Variants in PHACTR4 observed in about 807,000 individuals in gnomAD.
PHACTR4 encodes the protein phosphatase and actin regulator 4, also known as protein phosphatase 1, regulatory subunit 124.
A neutral mutation model predicts 72.7 loss-of-function variants in PHACTR4; 51 were observed. The observed-to-expected ratio is 0.70, with a 90% CI of 0.56 to 0.89. The LOEUF is 0.89. PHACTR4 is among the 40% of genes least tolerant of loss of function. The probability of loss-of-function intolerance (pLI) is 0.00; values close to 1 mark genes in which losing one functional copy is unlikely to be tolerated. For missense variants in PHACTR4, 731 were observed against 861.8 expected, an observed-to-expected ratio of 0.85 and a Z score of 1.90; for synonymous variants, 255 against 302.5, an observed-to-expected ratio of 0.84 and a Z score of 1.63.
chr1:28,433,029 C>T (rs545592948), intron 2 of PHACTR4: 43 of 983,062 alleles, frequency 4.4e-5, no homozygotes, highest in Non-Finnish European at 5.0e-5. Context: ...AGGCGTGAGC[C>T]ACTGCACCTG....
intron 2 of PHACTR4, among the ~76,000 whole-genome samples, chr1:28,458,108 T>TGTGTG (rs1658534886): frequency 2.5e-5 from 3 of 120,292 alleles, no homozygotes; most frequent in African/African-American, 3.6e-5. Flanking sequence ...GTGTGTGTGT[T>TGTGTG]TGTGTGTGTG....
intron 2 of PHACTR4, among the ~76,000 whole-genome samples, chr1:28,428,622 C>G (rs781231799): frequency 9.9e-5 from 15 of 152,170 alleles, no homozygotes; most frequent in Non-Finnish European, 2.1e-4. Context: ...TACTTCATGC[C>G]TACCATTATT....
intron 8 of PHACTR4, among the ~76,000 whole-genome samples, chr1:28,479,847 C>G (rs933176514): frequency 1.3e-5 from 2 of 152,100 alleles, no homozygotes; most frequent in East Asian, 1.9e-4. Context: ...GAGCTGAAAT[C>G]GTGACACTGC....
chr1:28,395,262 T>C (rs1653401801), intron 1 of PHACTR4, among the ~76,000 whole-genome samples: 1 of 6,644 alleles, frequency 1.5e-4, no homozygotes, highest in African/African-American at 1.6e-4. Context: ...CAAAATGTGA[T>C]ACATAACGAT....
intron 6 of PHACTR4, among the ~76,000 whole-genome samples, chr1:28,471,753 T>C (rs774507788): frequency 2.1e-4 from 32 of 151,964 alleles, no homozygotes; most frequent in Admixed American, 7.9e-4. Context: ...CTAATAAACA[T>C]ATATTGAGGG....
intron 1 of PHACTR4, among the ~76,000 whole-genome samples, chr1:28,380,518 C>T (rs1340559149): frequency 6.6e-6 from 1 of 152,176 alleles, no homozygotes; most frequent in East Asian, 1.9e-4. Context: ...ATCCTCTACT[C>T]TCCAATAGGC....
At chr1:28,465,277 C>T (rs1289476348) in intron 4 of PHACTR4, among the ~76,000 whole-genome samples, 9 of 151,942 alleles carry the variant, frequency 5.9e-5, no homozygotes, top group South Asian at 2.1e-4. Context: ...CTGGCTAACA[C>T]GGTGAAACCC....
intron 6 of PHACTR4, among the ~76,000 whole-genome samples, chr1:28,469,283 A>C (rs1230252710): frequency 1.3e-5 from 2 of 152,236 alleles, no homozygotes; most frequent in African/African-American, 4.8e-5. Flanking sequence ...AGGTTGATCA[A>C]GATTTTTGTT....
At chr1:28,470,472 C>G (rs1659491382) in intron 6 of PHACTR4, among the ~76,000 whole-genome samples, 1 of 150,782 alleles carries the variant, frequency 6.6e-6, no homozygotes, top group Non-Finnish European at 1.5e-5. Flanking sequence ...GGTAGATTAC[C>G]TGAGCCCAGG....
intron 2 of PHACTR4, chr1:28,438,489 G>T: frequency 1.3e-6 from 2 of 1,570,676 alleles, no homozygotes; most frequent in Admixed American, 3.4e-5. Flanking sequence ...AGATTTACAG[G>T]TGAACTTGAG....
rs367653761 is a variant in PHACTR4, at chr1:28,444,128, C to A, written c.17-14957C>A. On this transcript the variant is annotated intron_variant, in intron 2 of 13. Coordinates refer to ENST00000373839, the MANE Select transcript of PHACTR4 (RefSeq NM_001048183.3). Reference sequence around the variant, plus strand: ...TGTCTTTTTGATAATAGCCTCCTAACTGGGGTGAGATGATACCTCATTGTG... The same window carrying A: ...TGTCTTTTTGATAATAGCCTCCTAAATGGGGTGAGATGATACCTCATTGTG... Among the ~76,000 whole-genome samples, 11 of 149,776 alleles carry A rather than the reference C, an allele frequency of 7.3e-5. No individual in the cohort carries two copies. In the East Asian group the frequency reaches 2.0e-3, roughly 27 times the overall value.
chr1:28,386,753 GTC>G (rs2124170487), intron 1 of PHACTR4, among the ~76,000 whole-genome samples: 1 of 152,224 alleles, frequency 6.6e-6, no homozygotes, highest in African/African-American at 2.4e-5. Flanking sequence ...GTTTTTATTA[GTC>G]TTGTGATACT....
chr1:28,383,235 G>A (rs919070123), intron 1 of PHACTR4, among the ~76,000 whole-genome samples: 1 of 152,052 alleles, frequency 6.6e-6, no homozygotes, highest in Non-Finnish European at 1.5e-5. Flanking sequence ...TTTTGTACCA[G>A]TACCATGCTG....
At chr1:28,374,945 G>C (rs936615859) in intron 1 of PHACTR4, among the ~76,000 whole-genome samples, 3 of 152,158 alleles carry the variant, frequency 2.0e-5, no homozygotes, top group Admixed American at 2.0e-4. Context: ...AGAGGGAGTA[G>C]AATAAGTATT....
intron 2 of PHACTR4, among the ~76,000 whole-genome samples, chr1:28,418,662 A>C (rs1262502468): frequency 1.3e-5 from 2 of 152,092 alleles, no homozygotes; most frequent in East Asian, 1.9e-4. Flanking sequence ...TAAAGGAGAA[A>C]ATTTTAAGGC....
At chr1:28,424,962 T>A (rs934998811) in intron 2 of PHACTR4, among the ~76,000 whole-genome samples, 42 of 151,698 alleles carry the variant, frequency 2.8e-4, no homozygotes, top group Admixed American at 5.9e-4. Flanking sequence ...CCCGGCTAAT[T>A]TTTGTATTTT....
intron 2 of PHACTR4, among the ~76,000 whole-genome samples, chr1:28,450,974 C>CTTTTTTTT (rs1188704308): frequency 0.015 from 1,064 of 71,924 alleles, 86 homozygotes; most frequent in African/African-American, 0.059. Flanking sequence ...CCACACCCAG[C>CTTTTTTTT]TTTTTTTTTT....
chr1:28,391,770 T>G (rs1653064900), intron 1 of PHACTR4, among the ~76,000 whole-genome samples: 3 of 151,860 alleles, frequency 2.0e-5, no homozygotes, highest in African/African-American at 7.3e-5. Context: ...CATGCCCAGC[T>G]AATTTTTTGT....
At chr1:28,431,566 A>G (rs1309983021) in intron 2 of PHACTR4, among the ~76,000 whole-genome samples, 2 of 152,002 alleles carry the variant, frequency 1.3e-5, no homozygotes, top group Non-Finnish European at 2.9e-5. Context: ...GTCAGACACC[A>G]ACAGTAAAAG....
Sources: gnomAD v4.1 joint callset for allele counts (sites outside exome capture counted in the v4.1 genomes callset) on GRCh38, gnomAD v4.1.1 for gene constraint, MANE v1.5 for transcripts, NCBI Gene and HGNC (gene_info 2026-07-23, HGNC 2026-07-21) for gene names.